Variants in ZCCHC17 observed in about 807,000 individuals in gnomAD.
ZCCHC17 encodes zinc finger CCHC domain-containing protein 17.
Under a neutral mutation model 30.6 loss-of-function variants are expected in ZCCHC17, and 18 were observed. That is an observed-to-expected ratio of 0.59 (90% CI 0.41 to 0.87). The LOEUF is 0.87. ZCCHC17 is among the 40% of genes least tolerant of loss of function. ZCCHC17 has a pLI of 0.00. For missense variants in ZCCHC17, 263 were observed against 284.2 expected, an observed-to-expected ratio of 0.93 and a Z score of 0.54; for synonymous variants, 88 against 92.4, an observed-to-expected ratio of 0.95 and a Z score of 0.27.
Position 31,310,130 on chromosome 1 carries a change from A to G in ZCCHC17, c.32A>G (p.Asn11Ser), listed in dbSNP as rs141455902. The G allele has an allele frequency of 1.5e-5, 24 of 1,613,956 alleles. No individual in the cohort carries two copies. In the African/African-American group the frequency reaches 2.5e-4, roughly 17 times the overall value. ...TCAGGAAGGCCTGAGACCATGGAAA[A>G]CTTGCCTGCTCTCTACACTATTTTC... MNSGRPETME[N>S]LPALYTIFQG... The change falls in exon 2 of 8, where the codon AAC becomes AGC. Residue 11 changes from asparagine to serine, a missense_variant. Physicochemically the swap from Asn to Ser is conservative, Grantham distance 46. Transcript: ENST00000344147.
intron 1 of ZCCHC17, among the ~76,000 whole-genome samples, chr1:31,303,113 C>T (rs891280966): frequency 1.4e-5 from 2 of 146,964 alleles, no homozygotes; most frequent in South Asian, 2.1e-4. Flanking sequence ...CCAGTCTCTA[C>T]CCCCCCTCAA....
intron 1 of ZCCHC17, among the ~76,000 whole-genome samples, chr1:31,303,780 A>G (rs1646377804): frequency 6.6e-6 from 1 of 152,224 alleles, no homozygotes; most frequent in Non-Finnish European, 1.5e-5. Context: ...ACAAACAAGG[A>G]CATTCTCCTC....
chr1:31,351,360 C>T (rs755278073), intron 7 of ZCCHC17, among the ~76,000 whole-genome samples: 6 of 152,106 alleles, frequency 3.9e-5, no homozygotes, highest in Admixed American at 6.5e-5. Context: ...GACTATTGAA[C>T]GCTGTGGCCT....
intron 7 of ZCCHC17, among the ~76,000 whole-genome samples, chr1:31,361,068 C>T (rs1046483347): frequency 2.9e-4 from 44 of 152,338 alleles, no homozygotes; most frequent in African/African-American, 9.9e-4. Context: ...CAGTGAGGCT[C>T]CTGACCCCAT....
chr1:31,364,438 A>G lies in ZCCHC17; in HGVS notation c.*245A>G, dbSNP rs1640055384. The G allele has an allele frequency of 1.8e-6, 1 of 553,344 alleles. No homozygotes were observed. The highest frequency in any genetic ancestry group is 1.9e-5 in the African/African-American group (1 of 53,644). The allele number at this position is 553,344 out of a possible 1,614,324, so 34.3% of individuals were successfully genotyped here. A position where few individuals can be genotyped will look rare whatever the true frequency, so the allele number is the denominator to read the frequency against. On this transcript the variant is annotated 3_prime_UTR_variant, in exon 8 of 8. Transcript: ENST00000344147. Reference sequence around the variant, plus strand: ...TGCAAGTGAACCCTGCAGCTCACCCATTCATTCACCCAACTTCCTTCATTC... The same window carrying G: ...TGCAAGTGAACCCTGCAGCTCACCCGTTCATTCACCCAACTTCCTTCATTC...
intron 7 of ZCCHC17, among the ~76,000 whole-genome samples, chr1:31,354,332 T>C (rs1164824204): frequency 1.3e-5 from 2 of 152,236 alleles, no homozygotes; most frequent in African/African-American, 4.8e-5. Flanking sequence ...CAGGATTTTT[T>C]TGTGGACTCT....
At position 31,305,181 on chromosome 1, in the gene ZCCHC17, CT is replaced by C. The variant is rs559417785; in HGVS notation, c.-55-4860del. Among the ~76,000 whole-genome samples, 324 of 152,288 alleles carry C rather than the reference CT, an allele frequency of 2.1e-3. 2 individuals are homozygous for C. Among genetic ancestry groups the C allele is most frequent in the Non-Finnish European group, 3.6e-3 (247 of 68,012 alleles). On this transcript the variant is annotated intron_variant, in intron 1 of 7. Coordinates refer to ENST00000344147, the MANE Select transcript of ZCCHC17 (RefSeq NM_016505.4). The stretch of plus-strand genomic sequence containing the variant: ...TCTTTGGGGGTTCTACTCCCTCAGC[CT>C]TTGGTATGGAGGCTCACCTCTGGTT...
chr1:31,310,386 G>C (rs928834528), intron 2 of ZCCHC17, among the ~76,000 whole-genome samples: 2 of 152,184 alleles, frequency 1.3e-5, no homozygotes, highest in Non-Finnish European at 2.9e-5. Flanking sequence ...TGTAATTTAT[G>C]TTTTAAAATG....
chr1:31,307,930 T>C (rs1288248869), intron 1 of ZCCHC17, among the ~76,000 whole-genome samples: 1 of 152,186 alleles, frequency 6.6e-6, no homozygotes, highest in Non-Finnish European at 1.5e-5. Flanking sequence ...GAAGTTAATT[T>C]AGATGTTTCA....
intron 7 of ZCCHC17, among the ~76,000 whole-genome samples, chr1:31,351,012 GT>G (rs1171475762): frequency 1.2e-4 from 18 of 152,190 alleles, no homozygotes; most frequent in Non-Finnish European, 2.4e-4. Flanking sequence ...TGACAAGTAA[GT>G]TCCTAATTAG....
intron 2 of ZCCHC17, among the ~76,000 whole-genome samples, chr1:31,312,913 C>T (rs1646639324): frequency 6.6e-6 from 1 of 151,894 alleles, no homozygotes; most frequent in Non-Finnish European, 1.5e-5. Context: ...GCTGGGATTA[C>T]AGGCGCCCAC....
chr1:31,306,509 A>T (rs560798661), intron 1 of ZCCHC17, among the ~76,000 whole-genome samples: 1 of 152,198 alleles, frequency 6.6e-6, no homozygotes, highest in Non-Finnish European at 1.5e-5. Flanking sequence ...ACTAATAAGA[A>T]CAACATAACA....
At position 31,364,326 on chromosome 1, in the gene ZCCHC17, C is replaced by A; in HGVS notation, c.*133C>A. 1.4e-6 allele frequency: 2 copies of A among 1,416,626 alleles called. No homozygotes were observed. The highest frequency in any genetic ancestry group is 3.3e-5 in the South Asian group (2 of 60,340). The allele number at this position is 1,416,626 out of a possible 1,614,324, so 87.8% of individuals were successfully genotyped here. The stretch of plus-strand genomic sequence containing the variant: ...CTTCGCTCCCATGGGAGATGGCTTC[C>A]CCTCATGCAACAGGCAGGTTTGGGA... On this transcript the variant is annotated 3_prime_UTR_variant, in exon 8 of 8. Transcript: ENST00000344147.
chr1:31,332,208 G>A (rs976012973), intron 3 of ZCCHC17, among the ~76,000 whole-genome samples: 4 of 152,278 alleles, frequency 2.6e-5, no homozygotes, highest in East Asian at 1.9e-4. Flanking sequence ...ATGTATTTTA[G>A]TATATAAGCA....
At chr1:31,313,155 T>A (rs1273005022) in intron 2 of ZCCHC17, among the ~76,000 whole-genome samples, 1 of 146,326 alleles carries the variant, frequency 6.8e-6, no homozygotes, top group African/African-American at 2.5e-5. Context: ...TTTGGCTAAC[T>A]GCAACTTCCA....
At position 31,355,594 on chromosome 1, in the gene ZCCHC17, A is replaced by G. The variant is rs1386979474; in HGVS notation, c.564+6620A>G. Among the ~76,000 whole-genome samples the G allele has an allele frequency of 2.6e-5, 4 of 152,328 alleles. No homozygotes were observed. The East Asian group carries it at 7.7e-4, about 29-fold the overall frequency. ...CCCATGTCTTCAGATTACTAACAAT[A>G]TTCTTTTCTGTATATCACACTTCAA... On this transcript the variant is annotated intron_variant, in intron 7 of 7. Transcript: ENST00000344147.
At chr1:31,328,457 G>A (rs902406908) in intron 3 of ZCCHC17, among the ~76,000 whole-genome samples, 3 of 151,920 alleles carry the variant, frequency 2.0e-5, no homozygotes, top group Non-Finnish European at 4.4e-5. Flanking sequence ...GCAGTGAGCC[G>A]AGATCATGCC....
chr1:31,306,906 C>T (rs1465525272), intron 1 of ZCCHC17, among the ~76,000 whole-genome samples: 2 of 152,108 alleles, frequency 1.3e-5, no homozygotes, highest in Non-Finnish European at 1.5e-5. Flanking sequence ...GGGGCCATCT[C>T]GGCTCACTGC....
intron 6 of ZCCHC17, among the ~76,000 whole-genome samples, chr1:31,347,758 TACCACCATGTCC>T (rs1213584214): frequency 6.6e-6 from 1 of 152,120 alleles, no homozygotes; most frequent in Non-Finnish European, 1.5e-5. Flanking sequence ...CACAGGTGTG[TACCACCATGTCC>T]AGCTAATTTT....
Sources: allele counts gnomAD v4.1 joint callset (sites outside exome capture counted in the v4.1 genomes callset), GRCh38; gene constraint gnomAD v4.1.1; transcripts MANE v1.5; gene names NCBI Gene and HGNC (gene_info 2026-07-23, HGNC 2026-07-21).